TRIM36: variants seen among roughly 807,000 people sequenced by gnomAD.
The protein encoded by TRIM36 is E3 ubiquitin-protein ligase TRIM36.
Under a neutral mutation model 72.4 loss-of-function variants are expected in TRIM36, and 42 were observed. The ratio of observed to expected loss-of-function variants is 0.58; its 90% CI spans 0.45 to 0.75. TRIM36 has a LOEUF of 0.75. Ranked by LOEUF, TRIM36 falls within the 30% of genes least tolerant of loss-of-function variation. The pLI, the probability that TRIM36 is intolerant of heterozygous loss-of-function variation, is 0.00. For synonymous variants in TRIM36, 315 were observed against 282.8 expected, an observed-to-expected ratio of 1.11 and a Z score of -1.14; for missense variants, 913 against 857.1, an observed-to-expected ratio of 1.07 and a Z score of -0.81.
At chr5:115,177,586 C>A in intron 1 of TRIM36, 1 of 1,442,074 alleles carries the variant, frequency 6.9e-7, no homozygotes, top group Non-Finnish European at 9.1e-7. Context: ...TATAATCACA[C>A]ACAAAACAGG....
intron 4 of TRIM36, among the ~76,000 whole-genome samples, chr5:115,142,246 T>C (rs1753317642): frequency 6.6e-6 from 1 of 152,002 alleles, no homozygotes; most frequent in Non-Finnish European, 1.5e-5. Context: ...TATTAAACAC[T>C]AAACACTATT....
At chr5:115,128,401 A>G (rs571271856) in intron 9 of TRIM36, among the ~76,000 whole-genome samples, 2 of 151,820 alleles carry the variant, frequency 1.3e-5, no homozygotes, top group Non-Finnish European at 2.9e-5. Context: ...TAGATGTACA[A>G]TGTGTTTGTG....
intron 1 of TRIM36, chr5:115,177,478 C>G (rs1191192631): frequency 2.5e-6 from 3 of 1,195,784 alleles, no homozygotes; most frequent in Non-Finnish European, 3.2e-6. Context: ...ATTACAAACC[C>G]GAACTACAAA....
intron 1 of TRIM36, among the ~76,000 whole-genome samples, chr5:115,179,723 T>C (rs1227682328): frequency 3.3e-5 from 5 of 152,238 alleles, no homozygotes; most frequent in African/African-American, 9.6e-5. Context: ...AGAGCCCCTA[T>C]TGCTGCCCAG....
chr5:115,133,711 C>A, intron 8 of TRIM36, 149 bp downstream of exon 8: 1 of 712,466 alleles, frequency 1.4e-6, no homozygotes, highest in Non-Finnish European at 2.1e-6. Context: ...TTTCTAAAGC[C>A]CAGCTGGGAT....
chr5:115,128,514 A>G (rs1752476764), intron 9 of TRIM36, among the ~76,000 whole-genome samples: 1 of 151,670 alleles, frequency 6.6e-6, no homozygotes, highest in African/African-American at 2.4e-5. Flanking sequence ...GCACTTTGGG[A>G]GGCTGAGGCG....
At chr5:115,179,869 C>T in intron 1 of TRIM36, 1 of 1,134,460 alleles carries the variant, frequency 8.8e-7, no homozygotes, top group South Asian at 1.4e-5. Context: ...ATTCCAGCCT[C>T]CCGCCCTTCC....
At chr5:115,152,667 C>T (rs1050891688) in intron 2 of TRIM36, among the ~76,000 whole-genome samples, 1 of 152,156 alleles carries the variant, frequency 6.6e-6, no homozygotes, top group African/African-American at 2.4e-5. Context: ...CAGCAGATTT[C>T]TCAGCAGAAA....
At chr5:115,160,040 A>C (rs1288163215) in intron 2 of TRIM36, among the ~76,000 whole-genome samples, 1 of 152,114 alleles carries the variant, frequency 6.6e-6, no homozygotes, top group Non-Finnish European at 1.5e-5. Flanking sequence ...AAAAAAACTA[A>C]AATGAACATA....
chr5:115,134,460 T>G (rs1024704137), intron 7 of TRIM36, among the ~76,000 whole-genome samples: 1 of 152,104 alleles, frequency 6.6e-6, no homozygotes, highest in African/African-American at 2.4e-5. Context: ...GGACTTGAAA[T>G]TTTTTTACCT....
intron 3 of TRIM36, among the ~76,000 whole-genome samples, chr5:115,146,541 T>TA (rs1753603511): frequency 6.6e-6 from 1 of 152,196 alleles, no homozygotes. Flanking sequence ...CTCAGAATGT[T>TA]AAAGAAATTA....
At chr5:115,177,992 G>T (rs1755422848) in intron 1 of TRIM36, 4 of 1,065,094 alleles carry the variant, frequency 3.8e-6, no homozygotes, top group Non-Finnish European at 5.4e-6. Flanking sequence ...GGTATTCTGA[G>T]AGGGTTTTGT....
chr5:115,145,111 C>G (rs578003659), intron 3 of TRIM36, among the ~76,000 whole-genome samples: 20 of 152,280 alleles, frequency 1.3e-4, no homozygotes, highest in Non-Finnish European at 2.5e-4. Flanking sequence ...TCTGACCACA[C>G]TGATGAAGCA....
intron 2 of TRIM36, among the ~76,000 whole-genome samples, chr5:115,150,142 A>C (rs1455387726): frequency 6.6e-6 from 1 of 152,214 alleles, no homozygotes; most frequent in Non-Finnish European, 1.5e-5. Flanking sequence ...TCATAAAAAC[A>C]AACAGTAGAT....
At chr5:115,178,137 C>A (rs1370988129) in intron 1 of TRIM36, among the ~76,000 whole-genome samples, 2 of 152,104 alleles carry the variant, frequency 1.3e-5, no homozygotes, top group Admixed American at 1.3e-4. Context: ...CTGGGTCCTA[C>A]CCCGAAATTA....
intron 5 of TRIM36, among the ~76,000 whole-genome samples, chr5:115,140,022 G>A (rs1580656463): frequency 6.6e-6 from 1 of 152,192 alleles, no homozygotes; most frequent in Non-Finnish European, 1.5e-5. Context: ...TCTGCTTTGT[G>A]TTGAGACAGT....
At chr5:115,168,177 G>C (rs917359012) in intron 1 of TRIM36, among the ~76,000 whole-genome samples, 2 of 152,138 alleles carry the variant, frequency 1.3e-5, no homozygotes, top group Admixed American at 6.6e-5. Context: ...AACCATAACA[G>C]AATATTAAAA....
chr5:115,157,462 G>A (rs996831321), intron 2 of TRIM36, among the ~76,000 whole-genome samples: 1 of 152,098 alleles, frequency 6.6e-6, no homozygotes, highest in African/African-American at 2.4e-5. Flanking sequence ...TACTTAGGGG[G>A]CTGAGGCAGG....
intron 1 of TRIM36, 89 bp downstream of exon 1, chr5:115,169,519 T>C (rs913974557): frequency 2.2e-6 from 3 of 1,388,682 alleles, no homozygotes; most frequent in East Asian, 5.5e-5. Flanking sequence ...GGGAGGAGGC[T>C]CCCTCCGGGC....
Sources: gnomAD v4.1 joint callset for allele counts (sites outside exome capture counted in the v4.1 genomes callset) on GRCh38, gnomAD v4.1.1 for gene constraint, MANE v1.5 for transcripts, NCBI Gene and HGNC (gene_info 2026-07-23, HGNC 2026-07-21) for gene names.